RALGPS2: variants seen among roughly 807,000 people sequenced by gnomAD.
RALGPS2 encodes the protein Ral GEF with PH domain and SH3 binding motif 2.
RALGPS2 carries 43 observed loss-of-function variants against 86.8 expected under a neutral mutation model. The observed-to-expected ratio is 0.50, with a 90% confidence interval of 0.39 to 0.64. The LOEUF is 0.64. Ranked by LOEUF, RALGPS2 falls within the 30% of genes least tolerant of loss-of-function variation. The probability of loss-of-function intolerance (pLI) is 0.00; values close to 1 mark genes in which losing one functional copy is unlikely to be tolerated. For missense variants in RALGPS2, 536 were observed against 694.6 expected (o/e 0.77, Z 2.57); for synonymous variants, 243 against 231.3 (o/e 1.05, Z -0.46).
At chr1:178,837,102 T>C (rs78281488) in intron 8 of RALGPS2, among the ~76,000 whole-genome samples, 1,663 of 152,292 alleles carry the variant, frequency 0.011, 27 homozygotes, top group African/African-American at 0.037. Context: ...TTTCTTACTC[T>C]ATATAATCGG....
At chr1:178,878,123 G>T (rs572146852) in intron 9 of RALGPS2, among the ~76,000 whole-genome samples, 1 of 152,158 alleles carries the variant, frequency 6.6e-6, no homozygotes, top group Middle Eastern at 3.4e-3. Flanking sequence ...CAACTTTCTT[G>T]AGTCAGACTA....
chr1:178,852,898 A>G, intron 8 of RALGPS2: 1 of 1,613,798 alleles, frequency 6.2e-7, no homozygotes, highest in Non-Finnish European at 8.5e-7. Context: ...ATTGCTAAGC[A>G]TATAGATATT....
At chr1:178,807,588 C>G (rs1654801301) in intron 4 of RALGPS2, among the ~76,000 whole-genome samples, 1 of 152,146 alleles carries the variant, frequency 6.6e-6, no homozygotes, top group Non-Finnish European at 1.5e-5. Flanking sequence ...ATTTTGTATT[C>G]TGTCGACAGG....
chr1:178,789,231 A>C (rs528558768), intron 4 of RALGPS2, among the ~76,000 whole-genome samples: 45 of 152,278 alleles, frequency 3.0e-4, no homozygotes, highest in African/African-American at 1.1e-3. Flanking sequence ...GATACTGCTG[A>C]CTAGGATATG....
intron 8 of RALGPS2, among the ~76,000 whole-genome samples, chr1:178,862,397 A>T (rs1284706342): frequency 6.6e-6 from 1 of 152,136 alleles, no homozygotes; most frequent in African/African-American, 2.4e-5. Context: ...ACCATCTACC[A>T]GGAAGGAGCT....
intron 1 of RALGPS2, among the ~76,000 whole-genome samples, chr1:178,743,161 G>A (rs1179990507): frequency 6.6e-6 from 1 of 152,200 alleles, no homozygotes; most frequent in East Asian, 1.9e-4. Flanking sequence ...AGTGAGCTAT[G>A]ATTATGCCAC....
intron 11 of RALGPS2, among the ~76,000 whole-genome samples, chr1:178,884,055 AATAG>A (rs1481995960): frequency 3.3e-5 from 5 of 152,200 alleles, no homozygotes; most frequent in Admixed American, 2.6e-4. Context: ...AATCAAGGAA[AATAG>A]ATAGATGCAA....
At chr1:178,776,637 G>C (rs1002300807) in intron 1 of RALGPS2, 45 bp from the exon 2 acceptor site, 7 of 578,842 alleles carry the variant, frequency 1.2e-5, no homozygotes, top group Non-Finnish European at 1.9e-5. Context: ...TTGTTTTCTT[G>C]AACTTCGAGG....
At chr1:178,892,837 C>T (rs377390009) in intron 15 of RALGPS2, among the ~76,000 whole-genome samples, 3 of 151,980 alleles carry the variant, frequency 2.0e-5, no homozygotes, top group African/African-American at 7.3e-5. Flanking sequence ...GCTGTGGAGG[C>T]AGATAAGGGT....
chr1:178,920,746 A>G lies in RALGPS2; in HGVS notation c.*4387A>G, dbSNP rs1257623506. 2 of 152,028 alleles carry G rather than the reference A, an allele frequency of 1.3e-5. No homozygotes were observed. Among genetic ancestry groups the G allele is most frequent in the Non-Finnish European group, 2.9e-5 (2 of 67,912 alleles). 9.4% of individuals were successfully genotyped at this position (152,028 alleles called of 1,614,324 possible). Reference sequence around the variant, plus strand: ...TACATTTAATTGTAAGGCCTTTTGGAAAAGCCCTAAAAGAATAAGATACAA... The same window carrying G: ...TACATTTAATTGTAAGGCCTTTTGGGAAAGCCCTAAAAGAATAAGATACAA... On this transcript the variant is annotated 3_prime_UTR_variant, in exon 20 of 20. Transcript: ENST00000367635.
Position 178,790,727 on chromosome 1 carries a change from A to G in RALGPS2, c.213+5120A>G, listed in dbSNP as rs183167744. On this transcript the variant is annotated intron_variant, in intron 4 of 19. Coordinates refer to ENST00000367635, the MANE Select transcript of RALGPS2 (RefSeq NM_152663.5). ...ATTATAGAGCATCTTTAAATTTTTAATCAACTATTGCTAATTTGTTTTCCA... is the reference window on the plus strand; with the variant it reads ...ATTATAGAGCATCTTTAAATTTTTAGTCAACTATTGCTAATTTGTTTTCCA... Among the ~76,000 whole-genome samples, 27 of 152,354 alleles carry G rather than the reference A, an allele frequency of 1.8e-4. No individual in the cohort carries two copies. In the East Asian group the frequency reaches 2.1e-3, roughly 12 times the overall value.
At chr1:178,803,648 G>T (rs1654592700) in intron 4 of RALGPS2, among the ~76,000 whole-genome samples, 1 of 151,966 alleles carries the variant, frequency 6.6e-6, no homozygotes, top group Non-Finnish European at 1.5e-5. Flanking sequence ...TAGGCTAATT[G>T]AATATCCAGA....
intron 4 of RALGPS2, among the ~76,000 whole-genome samples, chr1:178,807,681 T>C (rs1348656065): frequency 6.6e-6 from 1 of 152,186 alleles, no homozygotes; most frequent in East Asian, 1.9e-4. Flanking sequence ...AAGAGTGAGA[T>C]ACTAGAAAGC....
chr1:178,808,006 G>A (rs1197373756), intron 4 of RALGPS2, 39 bp from the exon 5 acceptor site: 1 of 1,286,986 alleles, frequency 7.8e-7, no homozygotes, highest in South Asian at 1.2e-5. Flanking sequence ...AAAAAAACTA[G>A]GCTATTACTT....
intron 19 of RALGPS2, 115 bp downstream of exon 19, chr1:178,906,982 T>C (rs1427318872): frequency 1.1e-6 from 1 of 902,470 alleles, no homozygotes; most frequent in Non-Finnish European, 1.7e-6. Context: ...GTGGTGTTTT[T>C]ATTCTTGTTG....
chr1:178,770,018 CT>C (rs35638965), intron 1 of RALGPS2, among the ~76,000 whole-genome samples: 48,187 of 133,882 alleles, frequency 0.36, 7,823 homozygotes, highest in African/African-American at 0.45. Flanking sequence ...TCGATTGCTT[CT>C]TTTTTTTTTT....
chr1:178,855,574 G>A (rs562661908), intron 8 of RALGPS2, among the ~76,000 whole-genome samples: 9 of 151,812 alleles, frequency 5.9e-5, no homozygotes, highest in South Asian at 2.1e-4. Context: ...TCTTTCCTGC[G>A]TTATATTTAT....
chr1:178,868,181 T>C (rs1658536743), intron 8 of RALGPS2, among the ~76,000 whole-genome samples: 1 of 151,948 alleles, frequency 6.6e-6, no homozygotes, highest in East Asian at 1.9e-4. Context: ...AGTCATCTAT[T>C]TTATTTTTAA....
chr1:178,885,447 C>G, intron 12 of RALGPS2: 1 of 455,286 alleles, frequency 2.2e-6, no homozygotes, highest in Non-Finnish European at 3.8e-6. Context: ...GATAAATGAA[C>G]ATTACAGAGG....
Sources: allele counts gnomAD v4.1 joint callset (sites outside exome capture counted in the v4.1 genomes callset), GRCh38; gene constraint gnomAD v4.1.1; transcripts MANE v1.5; gene names NCBI Gene and HGNC (gene_info 2026-07-23, HGNC 2026-07-21).